The following SLC9A9 variants were observed in gnomAD, a reference collection of about 807,000 sequenced individuals.
SLC9A9 encodes solute carrier family 9 member A9, also known as sodium/hydrogen exchanger 9.
A neutral mutation model predicts 77.8 loss-of-function variants in SLC9A9; 62 were observed. The observed-to-expected ratio is 0.80, with a 90% CI of 0.65 to 0.98. The LOEUF is 0.98. Among genes scored for constraint, SLC9A9 ranks in the 50% least tolerant of loss-of-function variants. The probability of loss-of-function intolerance (pLI) is 0.00; values close to 1 mark genes in which losing one functional copy is unlikely to be tolerated. For missense variants in SLC9A9, 775 were observed against 774.9 expected (o/e 1.00, Z 0.00); for synonymous variants, 320 against 283.5 (o/e 1.13, Z -1.29).
chr3:143,411,787 T>C (rs966971845), intron 12 of SLC9A9, among the ~76,000 whole-genome samples: 52 of 152,122 alleles, frequency 3.4e-4, no homozygotes, highest in Non-Finnish European at 6.0e-4. Flanking sequence ...TTTTTAATTG[T>C]TTTTTTCATT....
At chr3:143,804,443 A>G (rs1389757321) in intron 2 of SLC9A9, among the ~76,000 whole-genome samples, 1 of 152,100 alleles carries the variant, frequency 6.6e-6, no homozygotes, top group Non-Finnish European at 1.5e-5. Context: ...CAGTTACCCC[A>G]TCAGTCCCCA....
At chr3:143,285,148 T>C (rs532181235) in intron 14 of SLC9A9, among the ~76,000 whole-genome samples, 13 of 152,240 alleles carry the variant, frequency 8.5e-5, no homozygotes, top group African/African-American at 3.1e-4. Context: ...GTTTGTCACA[T>C]AGGTACACAC....
chr3:143,722,833 T>G (rs571221894), intron 4 of SLC9A9, among the ~76,000 whole-genome samples: 2 of 152,232 alleles, frequency 1.3e-5, no homozygotes, highest in African/African-American at 2.4e-5. Flanking sequence ...CAATTATTTC[T>G]GATAATTCCT....
chr3:143,765,482 C>G (rs2007285045), intron 4 of SLC9A9, among the ~76,000 whole-genome samples: 1 of 152,100 alleles, frequency 6.6e-6, no homozygotes, highest in East Asian at 1.9e-4. Flanking sequence ...TTTATTCATT[C>G]ACTATATGTG....
intron 14 of SLC9A9, chr3:143,342,097 G>C (rs556718932): frequency 6.6e-6 from 1 of 152,310 alleles, no homozygotes; most frequent in East Asian, 1.9e-4. Context: ...TGGAAACTAT[G>C]GTTATAAGGT....
chr3:143,455,324 A>G (rs984958047), intron 12 of SLC9A9, among the ~76,000 whole-genome samples: 3 of 152,212 alleles, frequency 2.0e-5, no homozygotes, highest in African/African-American at 7.2e-5. Context: ...CAGAAATGTT[A>G]AAGTGAGTCT....
Position 143,848,455 on chromosome 3 carries a change from T to A in SLC9A9, c.-133A>T. ...CACTTTAGTTGCTACTTCACAAGCATTCTGCCCTGGCTTAGTATTCAGATG... is the reference window on the plus strand; with the variant it reads ...CACTTTAGTTGCTACTTCACAAGCAATCTGCCCTGGCTTAGTATTCAGATG... On this transcript the variant is annotated 5_prime_UTR_variant, in exon 1 of 16. An upstream start codon of the reference 5' UTR is lost. Transcript: ENST00000316549. 2 of 1,160,316 alleles carry A rather than the reference T, an allele frequency of 1.7e-6. No homozygotes were observed. Among genetic ancestry groups the A allele is most frequent in the Non-Finnish European group, 2.5e-6 (2 of 788,930 alleles). 71.9% of individuals were successfully genotyped at this position (1,160,316 alleles called of 1,614,324 possible).
At chr3:143,578,147 C>T (rs1035564431) in intron 7 of SLC9A9, among the ~76,000 whole-genome samples, 4 of 152,138 alleles carry the variant, frequency 2.6e-5, no homozygotes, top group African/African-American at 9.7e-5. Context: ...CTTGAGCTAC[C>T]CTGTAAGCTA....
At chr3:143,686,846 G>A (rs545350106) in intron 5 of SLC9A9, among the ~76,000 whole-genome samples, 1 of 152,174 alleles carries the variant, frequency 6.6e-6, no homozygotes, top group African/African-American at 2.4e-5. Context: ...AGCTGTTTGG[G>A]CTTTTGCTCT....
At chr3:143,279,667 T>C (rs1216477070) in intron 14 of SLC9A9, among the ~76,000 whole-genome samples, 1 of 152,304 alleles carries the variant, frequency 6.6e-6, no homozygotes, top group Admixed American at 6.5e-5. Context: ...ATGCGGTGTT[T>C]GGTTTTCTGT....
intron 4 of SLC9A9, among the ~76,000 whole-genome samples, chr3:143,744,907 A>G (rs1228990154): frequency 6.6e-6 from 1 of 152,212 alleles, no homozygotes; most frequent in African/African-American, 2.4e-5. Context: ...GCCCACTAAG[A>G]GGACCTGCCT....
At chr3:143,749,563 C>T (rs1160550509) in intron 4 of SLC9A9, among the ~76,000 whole-genome samples, 1 of 152,162 alleles carries the variant, frequency 6.6e-6, no homozygotes, top group Middle Eastern at 3.2e-3. Flanking sequence ...AATTAAAAAG[C>T]AAGTCATTCA....
intron 5 of SLC9A9, 78 bp downstream of exon 5, chr3:143,693,114 G>T: frequency 9.4e-7 from 1 of 1,061,650 alleles, no homozygotes; most frequent in Non-Finnish European, 1.4e-6. Flanking sequence ...TGTAGACGCA[G>T]GTGATGGTCT....
chr3:143,582,162 G>C (rs187983816), intron 6 of SLC9A9, among the ~76,000 whole-genome samples: 96 of 152,146 alleles, frequency 6.3e-4, no homozygotes, highest in Admixed American at 1.0e-3. Context: ...ACTTTTATGG[G>C]TATCAATCTA....
At chr3:143,413,524 T>C (rs556516496) in intron 12 of SLC9A9, among the ~76,000 whole-genome samples, 3 of 152,156 alleles carry the variant, frequency 2.0e-5, no homozygotes, top group Admixed American at 2.0e-4. Context: ...AGTGGTCCTG[T>C]GGGAGAAGGG....
intron 6 of SLC9A9, among the ~76,000 whole-genome samples, chr3:143,617,995 C>T (rs1038916014): frequency 1.3e-5 from 2 of 152,122 alleles, no homozygotes; most frequent in Non-Finnish European, 2.9e-5. Context: ...ACTTAAGAGG[C>T]TTTTGAATAA....
intron 4 of SLC9A9, among the ~76,000 whole-genome samples, chr3:143,697,069 CAAAT>C (rs1470915373): frequency 1.3e-5 from 2 of 151,570 alleles, no homozygotes; most frequent in African/African-American, 4.8e-5. Context: ...TTCTACATGT[CAAAT>C]GAATGAATAA....
chr3:143,589,957 GA>G (rs11301982), intron 6 of SLC9A9, among the ~76,000 whole-genome samples: 69,640 of 151,910 alleles, frequency 0.46, 17,061 homozygotes, highest in African/African-American at 0.65. Context: ...TAATTTGCAA[GA>G]AAAAAAATTA....
intron 8 of SLC9A9, among the ~76,000 whole-genome samples, chr3:143,559,865 T>C (rs1013626230): frequency 6.6e-6 from 1 of 152,186 alleles, no homozygotes; most frequent in African/African-American, 2.4e-5. Context: ...TCAAAGGGCA[T>C]TGAAAATAGT....
Sources: allele counts gnomAD v4.1 joint callset (sites outside exome capture counted in the v4.1 genomes callset), GRCh38; gene constraint gnomAD v4.1.1; transcripts MANE v1.5; gene names NCBI Gene and HGNC (gene_info 2026-07-23, HGNC 2026-07-21).